Variants in MNAT1 observed in about 807,000 individuals in gnomAD.
MNAT1 encodes the protein MNAT1 component of CDK activating kinase.
MNAT1 carries 43 observed loss-of-function variants against 42.0 expected under a neutral mutation model. The observed-to-expected ratio is 1.02, with a 90% CI of 0.80 to 1.32. MNAT1 has a LOEUF of 1.32. Ranked by LOEUF, MNAT1 falls within the 40% of genes most tolerant of loss-of-function variation. MNAT1 has a pLI of 0.00. For synonymous variants in MNAT1, 118 were observed against 120.0 expected (o/e 0.98, Z 0.11); for missense variants, 306 against 350.4 (o/e 0.87, Z 1.01).
At chr14:60,789,496 A>G (rs2031752231) in intron 1 of MNAT1, among the ~76,000 whole-genome samples, 1 of 152,210 alleles carries the variant, frequency 6.6e-6, no homozygotes, top group Admixed American at 6.5e-5. Flanking sequence ...TTTGTAAAAA[A>G]TGAAATATCT....
At chr14:60,807,887 GA>G (rs1326156867) in intron 3 of MNAT1, among the ~76,000 whole-genome samples, 2 of 151,894 alleles carry the variant, frequency 1.3e-5, no homozygotes, top group Non-Finnish European at 2.9e-5. Context: ...TTGGAATGGG[GA>G]TAAAACCTGT....
intron 7 of MNAT1, among the ~76,000 whole-genome samples, chr14:60,910,182 GA>G (rs2035315494): frequency 1.3e-5 from 2 of 152,198 alleles, no homozygotes. Flanking sequence ...TTTTTATCCT[GA>G]GAGTTTGCTG....
At chr14:60,914,650 C>G (rs976616663) in intron 7 of MNAT1, among the ~76,000 whole-genome samples, 2 of 151,948 alleles carry the variant, frequency 1.3e-5, no homozygotes, top group African/African-American at 4.8e-5. Context: ...TTGTAGGTAG[C>G]TTCTGTGTTG....
At chr14:60,834,571 C>T (rs1394083130) in intron 6 of MNAT1, among the ~76,000 whole-genome samples, 2 of 152,130 alleles carry the variant, frequency 1.3e-5, no homozygotes, top group African/African-American at 4.8e-5. Flanking sequence ...GAGTGTTTAA[C>T]TTCCAATTAT....
chr14:60,903,759 G>A (rs1433679421), intron 7 of MNAT1, among the ~76,000 whole-genome samples: 5 of 150,644 alleles, frequency 3.3e-5, no homozygotes, highest in Non-Finnish European at 5.9e-5. Context: ...CTTTACCTTC[G>A]TCTTTACCTT....
At chr14:60,746,755 A>T in intron 1 of MNAT1, among the ~76,000 whole-genome samples, 1 of 150,276 alleles carries the variant, frequency 6.7e-6, no homozygotes, top group Non-Finnish European at 1.5e-5. Context: ...GCAGTGTGCT[A>T]ATATACTTAG....
At chr14:60,928,860 G>T (rs2035819592) in intron 7 of MNAT1, among the ~76,000 whole-genome samples, 1 of 151,122 alleles carries the variant, frequency 6.6e-6, no homozygotes, top group South Asian at 2.1e-4. Context: ...TATAATCTGT[G>T]GCTGGGCACA....
intron 6 of MNAT1, among the ~76,000 whole-genome samples, chr14:60,846,334 G>A (rs2033682509): frequency 6.6e-6 from 1 of 151,936 alleles, no homozygotes. Flanking sequence ...CATCAACCTA[G>A]CGGTGTGACA....
intron 1 of MNAT1, among the ~76,000 whole-genome samples, chr14:60,754,547 C>T (rs1236937501): frequency 6.6e-6 from 1 of 151,910 alleles, no homozygotes; most frequent in Non-Finnish European, 1.5e-5. Flanking sequence ...GACGGGGTTT[C>T]ACCGTGTTAG....
chr14:60,799,031 G>A (rs536359519), intron 3 of MNAT1, among the ~76,000 whole-genome samples: 9 of 152,184 alleles, frequency 5.9e-5, no homozygotes, highest in East Asian at 1.9e-4. Flanking sequence ...GATTCCTGAG[G>A]AATAATAAAT....
chr14:60,901,206 G>T (rs1347756277), intron 7 of MNAT1, among the ~76,000 whole-genome samples: 1 of 151,982 alleles, frequency 6.6e-6, no homozygotes, highest in Non-Finnish European at 1.5e-5. Context: ...TTTATAAATG[G>T]AATGAAAAAG....
At chr14:60,843,650 T>G (rs2033607645) in intron 6 of MNAT1, among the ~76,000 whole-genome samples, 1 of 152,214 alleles carries the variant, frequency 6.6e-6, no homozygotes, top group Non-Finnish European at 1.5e-5. Context: ...TTGTTTGTGC[T>G]TTTACTATTG....
At chr14:60,755,531 C>T (rs1257100975) in intron 1 of MNAT1, among the ~76,000 whole-genome samples, 1 of 152,200 alleles carries the variant, frequency 6.6e-6, no homozygotes, top group African/African-American at 2.4e-5. Context: ...CCTGCCTCGT[C>T]CTCCCAAAGT....
chr14:60,751,442 C>T (rs1159246247), intron 1 of MNAT1, among the ~76,000 whole-genome samples: 1 of 151,706 alleles, frequency 6.6e-6, no homozygotes, highest in African/African-American at 2.4e-5. Context: ...GATATTTTTC[C>T]TGATATTGTA....
chr14:60,801,060 C>G (rs951917041), intron 3 of MNAT1, among the ~76,000 whole-genome samples: 2 of 151,300 alleles, frequency 1.3e-5, no homozygotes, highest in Non-Finnish European at 2.9e-5. Context: ...AGCAATTAAC[C>G]TAGCACTGGG....
At chr14:60,804,558 C>T (rs529544096) in intron 3 of MNAT1, among the ~76,000 whole-genome samples, 15 of 152,176 alleles carry the variant, frequency 9.9e-5, no homozygotes, top group African/African-American at 3.4e-4. Flanking sequence ...TAGGGTCTCA[C>T]TCTGTCTCCC....
intron 1 of MNAT1, among the ~76,000 whole-genome samples, chr14:60,765,368 G>A (rs1390106100): frequency 2.0e-5 from 3 of 152,194 alleles, no homozygotes; most frequent in East Asian, 1.9e-4. Flanking sequence ...ACTGGGGCCT[G>A]TCGGTGGGTT....
intron 6 of MNAT1, among the ~76,000 whole-genome samples, chr14:60,848,227 C>T (rs190263249): frequency 6.6e-6 from 1 of 152,146 alleles, no homozygotes; most frequent in Non-Finnish European, 1.5e-5. Context: ...ATATATCGTT[C>T]CACTACCTTC....
rs147942004 is a variant in MNAT1 at position 60,767,918 on chromosome 14, C to G, written c.90-28299C>G. Among the ~76,000 whole-genome samples the G allele has an allele frequency of 4.5e-3, 679 of 152,308 alleles. 9 individuals are homozygous for G. The highest frequency in any genetic ancestry group is 0.015 in the African/African-American group (607 of 41,564). On this transcript the variant is annotated intron_variant, in intron 1 of 7. Coordinates refer to ENST00000261245, the MANE Select transcript of MNAT1 (RefSeq NM_002431.4). ...AGCTGGGACTATAGGCACACGCCACCACACCCAGCTAATTTTTTTTGTGTT... is the reference window on the plus strand; with the variant it reads ...AGCTGGGACTATAGGCACACGCCACGACACCCAGCTAATTTTTTTTGTGTT...
Sources: gnomAD v4.1 joint callset for allele counts (sites outside exome capture counted in the v4.1 genomes callset) on GRCh38, gnomAD v4.1.1 for gene constraint, MANE v1.5 for transcripts, NCBI Gene and HGNC (gene_info 2026-07-23, HGNC 2026-07-21) for gene names.